The following NYAP2 variants were observed in gnomAD, a reference collection of about 807,000 sequenced individuals.
The protein encoded by NYAP2 is neuronal tyrosine-phosphorylated phosphoinositide-3-kinase adaptor 2.
A neutral mutation model predicts 50.4 loss-of-function variants in NYAP2; 23 were observed. That is an observed-to-expected ratio of 0.46 (90% confidence interval 0.33 to 0.65). The LOEUF is 0.65. Ranked by LOEUF, NYAP2 falls within the 30% of genes least tolerant of loss-of-function variation. NYAP2 has a pLI of 0.02. For missense variants in NYAP2, 885 were observed against 861.0 expected (o/e 1.03, Z -0.35); for synonymous variants, 394 against 365.2 (o/e 1.08, Z -0.90).
At chr2:225,505,064 A>G (rs1391578827) in intron 3 of NYAP2, among the ~76,000 whole-genome samples, 4 of 151,812 alleles carry the variant, frequency 2.6e-5, no homozygotes, top group Non-Finnish European at 5.9e-5. Context: ...ATCTGGAACT[A>G]ATGGAAACTG....
intron 5 of NYAP2, among the ~76,000 whole-genome samples, chr2:225,602,283 C>T (rs998380437): frequency 1.3e-5 from 2 of 151,890 alleles, no homozygotes; most frequent in African/African-American, 2.4e-5. Flanking sequence ...ACTTAGCTCA[C>T]GGTCAATTAC....
intron 4 of NYAP2, among the ~76,000 whole-genome samples, chr2:225,543,635 T>G (rs1446765591): frequency 6.6e-6 from 1 of 152,066 alleles, no homozygotes. Context: ...ATGCTAGATA[T>G]TATTTCAATT....
intron 5 of NYAP2, among the ~76,000 whole-genome samples, chr2:225,603,744 G>T (rs1256707457): frequency 2.0e-5 from 3 of 152,164 alleles, no homozygotes; most frequent in Non-Finnish European, 4.4e-5. Context: ...ACACTCAGAA[G>T]ATAGTTTTGT....
At chr2:225,556,936 C>T (rs1415234362) in intron 4 of NYAP2, among the ~76,000 whole-genome samples, 1 of 152,136 alleles carries the variant, frequency 6.6e-6, no homozygotes, top group African/African-American at 2.4e-5. Flanking sequence ...AACCTCGGAC[C>T]ATTGGTCATG....
chr2:225,409,229 T>A (rs1694991761), intron 3 of NYAP2, 128 bp downstream of exon 3: 4 of 644,236 alleles, frequency 6.2e-6, no homozygotes, highest in Non-Finnish European at 1.1e-5. Flanking sequence ...TGAGAGCATA[T>A]GAAAGCGACC....
chr2:225,404,707 T>C (rs1048612184), intron 2 of NYAP2, among the ~76,000 whole-genome samples: 2 of 151,766 alleles, frequency 1.3e-5, no homozygotes, highest in East Asian at 1.9e-4. Context: ...AGTGAAAAAA[T>C]AAAATAAAGC....
chr2:225,565,057 T>G (rs113244738), intron 4 of NYAP2, among the ~76,000 whole-genome samples: 10,993 of 151,384 alleles, frequency 0.073, 1,337 homozygotes, highest in African/African-American at 0.25. Context: ...TTGTACCTTG[T>G]GGGGCAGAGG....
chr2:225,477,736 C>T (rs555741069), intron 3 of NYAP2, among the ~76,000 whole-genome samples: 11 of 152,260 alleles, frequency 7.2e-5, no homozygotes, highest in African/African-American at 1.7e-4. Context: ...TACAGTTTTA[C>T]ACACATAGAT....
chr2:225,607,841 G>A (rs1029769924), intron 5 of NYAP2, among the ~76,000 whole-genome samples: 7 of 152,018 alleles, frequency 4.6e-5, no homozygotes, highest in African/African-American at 7.2e-5. Context: ...TATTTAATGC[G>A]GTAAATTATA....
intron 4 of NYAP2, among the ~76,000 whole-genome samples, chr2:225,579,772 A>G (rs17482442): frequency 0.11 from 17,046 of 152,264 alleles, 1,062 homozygotes; most frequent in South Asian, 0.13. Flanking sequence ...CTACCTAGGC[A>G]TAGGCTCAGC....
At chr2:225,563,582 C>G (rs11889436) in intron 4 of NYAP2, among the ~76,000 whole-genome samples, 3,969 of 152,110 alleles carry the variant, frequency 0.026, 165 homozygotes, top group African/African-American at 0.089. Flanking sequence ...GACATGGTCA[C>G]AGCTAATTGA....
At chr2:225,462,209 A>G (rs1689845810) in intron 3 of NYAP2, among the ~76,000 whole-genome samples, 1 of 152,212 alleles carries the variant, frequency 6.6e-6, no homozygotes, top group Admixed American at 6.5e-5. Flanking sequence ...TTCTGTAAAT[A>G]TTTCTAAATC....
intron 3 of NYAP2, among the ~76,000 whole-genome samples, chr2:225,419,799 C>T (rs544128852): frequency 6.6e-6 from 1 of 152,126 alleles, no homozygotes; most frequent in African/African-American, 2.4e-5. Flanking sequence ...CACATGGCAC[C>T]ATGTCTACAA....
At chr2:225,627,730 A>G (rs953564947) in intron 6 of NYAP2, among the ~76,000 whole-genome samples, 1 of 152,242 alleles carries the variant, frequency 6.6e-6, no homozygotes, top group Non-Finnish European at 1.5e-5. Flanking sequence ...AAAATCTGCA[A>G]TGCAATTTTA....
intron 4 of NYAP2, among the ~76,000 whole-genome samples, chr2:225,568,455 T>G (rs1256089567): frequency 6.6e-6 from 1 of 152,126 alleles, no homozygotes; most frequent in African/African-American, 2.4e-5. Flanking sequence ...CAAGACTATT[T>G]GAGGAAATGA....
chr2:225,591,024 A>G (rs954740182), intron 5 of NYAP2, among the ~76,000 whole-genome samples: 1 of 152,208 alleles, frequency 6.6e-6, no homozygotes, highest in Non-Finnish European at 1.5e-5. Context: ...AAGGCGAGGA[A>G]GAAACCTAAG....
At chr2:225,456,359 C>T (rs1689739659) in intron 3 of NYAP2, among the ~76,000 whole-genome samples, 1 of 152,222 alleles carries the variant, frequency 6.6e-6, no homozygotes, top group Non-Finnish European at 1.5e-5. Flanking sequence ...CTGGCATCTT[C>T]TCTTCTGAGA....
chr2:225,551,107 C>T (rs1031947082), intron 4 of NYAP2, among the ~76,000 whole-genome samples: 7 of 152,184 alleles, frequency 4.6e-5, no homozygotes, highest in Non-Finnish European at 8.8e-5. Context: ...TCCCAACTCA[C>T]ATTTAACAGA....
rs961551240 is a variant in NYAP2, at chr2:225,521,371, T to A, written c.523+7699T>A. Among the ~76,000 whole-genome samples the A allele has an allele frequency of 1.1e-4, 16 of 150,796 alleles. No individual in the cohort carries two copies. The East Asian group carries it at 2.4e-3, about 22-fold the overall frequency. ...TGTGCCAGTTTTCAAAGGGAATGCT[T>A]CCAGTTTTTGCCCATTCAGTATGAT... On this transcript the variant is annotated intron_variant, in intron 4 of 6. Coordinates refer to ENST00000636099, the Ensembl canonical transcript of NYAP2.
Sources: allele counts gnomAD v4.1 joint callset (sites outside exome capture counted in the v4.1 genomes callset), GRCh38; gene constraint gnomAD v4.1.1; transcripts MANE v1.5; gene names NCBI Gene and HGNC (gene_info 2026-07-23, HGNC 2026-07-21).